Variants in RBPMS observed in about 807,000 individuals in gnomAD.
RBPMS encodes the protein RNA-binding protein with multiple splicing.
In RBPMS, 7 loss-of-function variants were observed where a neutral mutation model predicts 26.8. The ratio of observed to expected loss-of-function variants is 0.26; its 90% CI spans 0.15 to 0.49. The LOEUF (loss-of-function observed/expected upper bound fraction) is 0.49. Among genes scored for constraint, RBPMS ranks in the 20% least tolerant of loss-of-function variants. RBPMS has a pLI of 0.98. For synonymous variants in RBPMS, 96 were observed against 93.3 expected, an observed-to-expected ratio of 1.03 and a Z score of -0.17; for missense variants, 186 against 250.0, an observed-to-expected ratio of 0.74 and a Z score of 1.73.
intron 5 of RBPMS, among the ~76,000 whole-genome samples, chr8:30,526,756 TGGGAAGA>T (rs966695383): frequency 2.0e-5 from 3 of 152,156 alleles, no homozygotes; most frequent in African/African-American, 4.8e-5. Flanking sequence ...GCAATAAATT[TGGGAAGA>T]AGGAAGAAGG....
At chr8:30,388,605 C>A (rs1807406823) in intron 1 of RBPMS, among the ~76,000 whole-genome samples, 1 of 146,402 alleles carries the variant, frequency 6.8e-6, no homozygotes, top group Non-Finnish European at 1.5e-5. Context: ...ATAGCTATAG[C>A]TATAAGCTAA....
At chr8:30,535,551 G>A (rs1287042475) in intron 5 of RBPMS, among the ~76,000 whole-genome samples, 1 of 152,172 alleles carries the variant, frequency 6.6e-6, no homozygotes, top group Admixed American at 6.5e-5. Flanking sequence ...CATTAGATCA[G>A]CTTCATTAAT....
intron 1 of RBPMS, among the ~76,000 whole-genome samples, chr8:30,425,273 T>G (rs879474609): frequency 3.9e-5 from 6 of 152,232 alleles, no homozygotes; most frequent in Non-Finnish European, 7.3e-5. Context: ...TTATGGAAAT[T>G]CCTATCTTCC....
chr8:30,428,972 A>G (rs1420893414), intron 1 of RBPMS, among the ~76,000 whole-genome samples: 3 of 152,170 alleles, frequency 2.0e-5, no homozygotes. Flanking sequence ...ATGAGAAACA[A>G]TCATAGAAGC....
intron 5 of RBPMS, among the ~76,000 whole-genome samples, chr8:30,530,650 CGG>C (rs1308662880): frequency 6.6e-6 from 1 of 151,976 alleles, no homozygotes; most frequent in African/African-American, 2.4e-5. Context: ...TTAGTAGAGA[CGG>C]GGTTTCTCCA....
chr8:30,458,963 C>CTTT (rs1243285803), intron 1 of RBPMS, among the ~76,000 whole-genome samples: 3 of 134,078 alleles, frequency 2.2e-5, no homozygotes, highest in Non-Finnish European at 4.8e-5. Context: ...AGCATGTTGG[C>CTTT]TTTTTTTTTT....
intron 6 of RBPMS, among the ~76,000 whole-genome samples, chr8:30,555,099 ATTATTT>A (rs1479637894): frequency 6.6e-6 from 1 of 152,162 alleles, no homozygotes; most frequent in African/African-American, 2.4e-5. Flanking sequence ...GAGGATGGAA[ATTATTT>A]TTATGGGTGG....
At chr8:30,515,634 T>G (rs766795031) in intron 5 of RBPMS, among the ~76,000 whole-genome samples, 4 of 152,226 alleles carry the variant, frequency 2.6e-5, no homozygotes, top group Non-Finnish European at 4.4e-5. Flanking sequence ...CTAAAATATT[T>G]TAAAAAACAT....
chr8:30,456,711 G>C (rs1815260150), intron 1 of RBPMS, among the ~76,000 whole-genome samples: 1 of 152,204 alleles, frequency 6.6e-6, no homozygotes, highest in Non-Finnish European at 1.5e-5. Flanking sequence ...CATGAGGTCA[G>C]GAGTTTAAGA....
chr8:30,533,881 C>T (rs1237207607), intron 5 of RBPMS, among the ~76,000 whole-genome samples: 3 of 152,098 alleles, frequency 2.0e-5, no homozygotes, highest in African/African-American at 7.2e-5. Flanking sequence ...CGCCTATAAT[C>T]CCAGCACTTT....
intron 1 of RBPMS, chr8:30,385,517 T>G: frequency 5.6e-6 from 1 of 178,078 alleles, no homozygotes. Context: ...AAATTGTGTA[T>G]GGATTCAGGG....
intron 1 of RBPMS, among the ~76,000 whole-genome samples, chr8:30,463,892 T>A (rs1267105184): frequency 6.6e-6 from 1 of 152,212 alleles, no homozygotes; most frequent in African/African-American, 2.4e-5. Context: ...CCCAAGCCTG[T>A]AATCCCAGGA....
intron 1 of RBPMS, among the ~76,000 whole-genome samples, chr8:30,433,473 C>A (rs911544157): frequency 6.6e-6 from 1 of 152,126 alleles, no homozygotes; most frequent in African/African-American, 2.4e-5. Context: ...GAGTTTGAGA[C>A]CAGCTTGGGC....
chr8:30,456,014 G>C (rs1815166235), intron 1 of RBPMS, among the ~76,000 whole-genome samples: 1 of 152,190 alleles, frequency 6.6e-6, no homozygotes. Context: ...AAGGCCAGAG[G>C]CTTGGGGATT....
At chr8:30,443,884 C>T (rs542718071) in intron 1 of RBPMS, among the ~76,000 whole-genome samples, 42 of 151,910 alleles carry the variant, frequency 2.8e-4, no homozygotes, top group Middle Eastern at 6.9e-3. Context: ...TGTGAGCCAC[C>T]GCGCCCAGCC....
At chr8:30,526,578 A>G (rs1400753187) in intron 5 of RBPMS, among the ~76,000 whole-genome samples, 1 of 152,234 alleles carries the variant, frequency 6.6e-6, no homozygotes, top group African/African-American at 2.4e-5. Flanking sequence ...TTCTTGAAGC[A>G]CACACAGCCT....
At chr8:30,392,366 C>G (rs1358205665) in intron 1 of RBPMS, among the ~76,000 whole-genome samples, 1 of 151,982 alleles carries the variant, frequency 6.6e-6, no homozygotes, top group Non-Finnish European at 1.5e-5. Context: ...CTTCAAAAGA[C>G]CCTTTTGGGG....
chr8:30,569,755 C>T (rs1192708661), intron 8 of RBPMS, among the ~76,000 whole-genome samples: 1 of 152,062 alleles, frequency 6.6e-6, no homozygotes, highest in Non-Finnish European at 1.5e-5. Context: ...GAAATGAGGT[C>T]GGTGTAAAGG....
intron 4 of RBPMS, among the ~76,000 whole-genome samples, chr8:30,480,884 G>A (rs561969246): frequency 6.6e-6 from 1 of 152,304 alleles, no homozygotes; most frequent in East Asian, 1.9e-4. Context: ...GTCCTTTAAA[G>A]TTATGTTAGA....
Sources: gnomAD v4.1 joint callset for allele counts (sites outside exome capture counted in the v4.1 genomes callset) on GRCh38, gnomAD v4.1.1 for gene constraint, MANE v1.5 for transcripts, NCBI Gene and HGNC (gene_info 2026-07-23, HGNC 2026-07-21) for gene names.